The following IL1RAPL1 variants were observed in gnomAD, a reference collection of about 807,000 sequenced individuals.
IL1RAPL1 encodes interleukin 1 receptor accessory protein like 1.
A neutral mutation model predicts 48.4 loss-of-function variants in IL1RAPL1; 3 were observed. That is an observed-to-expected ratio of 0.06 (90% confidence interval 0.03 to 0.16). IL1RAPL1 has a LOEUF of 0.16. Among genes scored for constraint, IL1RAPL1 ranks in the 10% least tolerant of loss-of-function variants. The pLI is 1.00. For synonymous variants in IL1RAPL1, 185 were observed against 187.7 expected (o/e 0.99, Z 0.12); for missense variants, 349 against 530.6 (o/e 0.66, Z 3.36).
chrX:29,606,110 G>C (rs763619912), intron 5 of IL1RAPL1, among the ~76,000 whole-genome samples: 1 of 111,741 alleles, frequency 8.9e-6, no homozygotes, highest in Non-Finnish European at 1.9e-5. Flanking sequence ...TATGATGTCT[G>C]TTCCCCAATT....
intron 2 of IL1RAPL1, among the ~76,000 whole-genome samples, chrX:29,109,067 T>C (rs1442564660): frequency 1.8e-5 from 2 of 111,590 alleles, no homozygotes; most frequent in Non-Finnish European, 3.8e-5. Context: ...GAATTGCATT[T>C]AGTTTAAAAC....
intron 2 of IL1RAPL1, among the ~76,000 whole-genome samples, chrX:29,062,101 G>A (rs1203726426): frequency 3.6e-5 from 4 of 112,034 alleles, no homozygotes; most frequent in African/African-American, 9.7e-5. Flanking sequence ...TAATATCAAC[G>A]TAATATTGTA....
intron 5 of IL1RAPL1, among the ~76,000 whole-genome samples, chrX:29,449,780 C>CACACACACAGAGAGAG (rs557765024): frequency 0.12 from 6,712 of 57,266 alleles, 513 homozygotes; most frequent in East Asian, 0.32. Context: ...CACACACACA[C>CACACACACAGAGAGAG]AGAGAGAGAG....
chrX:28,989,488 C>T (rs930216074), intron 2 of IL1RAPL1, among the ~76,000 whole-genome samples: 1 of 112,356 alleles, frequency 8.9e-6, no homozygotes, highest in Admixed American at 9.4e-5. Flanking sequence ...GCAGCCAGAT[C>T]AAGTGTTAAT....
intron 2 of IL1RAPL1, among the ~76,000 whole-genome samples, chrX:29,226,565 T>C (rs752364404): frequency 9.3e-6 from 1 of 107,754 alleles, no homozygotes; most frequent in Non-Finnish European, 1.9e-5. Flanking sequence ...CCCGAGTAGC[T>C]GGGATTACAG....
Position 28,759,871 on chromosome X carries a change from C to T in IL1RAPL1, c.-24-29449C>T, listed in dbSNP as rs527727102. Among the ~76,000 whole-genome samples, 208 of 110,863 alleles carry T rather than the reference C, an allele frequency of 1.9e-3. 1 individual carries two copies. The highest frequency in any genetic ancestry group is 0.019 in the Middle Eastern group (4 of 215). ...TGTAACAACCAGAAATCAGGAATTA[C>T]GTGAGTTCTTGTACCTAGGAAGTAT... On this transcript the variant is annotated intron_variant, in intron 1 of 10. Transcript: ENST00000378993.
At chrX:29,827,344 C>T (rs5973111) in intron 6 of IL1RAPL1, among the ~76,000 whole-genome samples, 8,834 of 112,234 alleles carry the variant, frequency 0.079, 836 homozygotes, top group African/African-American at 0.27. Context: ...CAAGATTTAT[C>T]GAGAACCTGA....
At chrX:28,769,937 T>C (rs1202097065) in intron 1 of IL1RAPL1, among the ~76,000 whole-genome samples, 3 of 111,964 alleles carry the variant, frequency 2.7e-5, no homozygotes, top group African/African-American at 6.5e-5. Flanking sequence ...CCCAGAGAAG[T>C]TGACCTCACA....
At chrX:29,361,089 G>T (rs1933369691) in intron 3 of IL1RAPL1, among the ~76,000 whole-genome samples, 1 of 111,780 alleles carries the variant, frequency 8.9e-6, no homozygotes, top group Admixed American at 9.6e-5. Flanking sequence ...TCTCTGAGAT[G>T]AGAAAGCATA....
At chrX:29,140,274 C>G (rs1416079494) in intron 2 of IL1RAPL1, among the ~76,000 whole-genome samples, 2 of 111,793 alleles carry the variant, frequency 1.8e-5, no homozygotes, top group Non-Finnish European at 3.8e-5. Context: ...TATTGGAGAT[C>G]AATTTTCAAG....
chrX:29,245,463 C>A (rs1300653696), intron 2 of IL1RAPL1, among the ~76,000 whole-genome samples: 1 of 111,796 alleles, frequency 8.9e-6, no homozygotes, highest in Non-Finnish European at 1.9e-5. Flanking sequence ...TTAATGATCA[C>A]CATTCTAACT....
At chrX:29,345,696 C>G (rs1293004806) in intron 3 of IL1RAPL1, among the ~76,000 whole-genome samples, 2 of 111,259 alleles carry the variant, frequency 1.8e-5, no homozygotes, top group Non-Finnish European at 3.8e-5. Context: ...GTATCAGACT[C>G]TAAACTCTGG....
rs879240789 is a variant in IL1RAPL1, at chrX:28,826,040, A to C, written c.82+36615A>C. On this transcript the variant is annotated intron_variant, in intron 2 of 10. Transcript: ENST00000378993. ...GCTTATTTATAGGCACAAATCACCA[A>C]TATTAAGCTGTTATCAAAATCTTTA... Among the ~76,000 whole-genome samples the C allele has an allele frequency of 2.7e-5, 3 of 111,730 alleles. No individual in the cohort carries two copies. In the Admixed American group the frequency reaches 2.8e-4, roughly 11 times the overall value.
chrX:28,919,368 T>G (rs762699180), intron 2 of IL1RAPL1, among the ~76,000 whole-genome samples: 3 of 112,359 alleles, frequency 2.7e-5, no homozygotes, highest in Admixed American at 1.9e-4. Context: ...ACATTTATCA[T>G]ATCTCTGAAA....
At chrX:29,780,153 CTTTT>C (rs1180641634) in intron 6 of IL1RAPL1, among the ~76,000 whole-genome samples, 1 of 111,676 alleles carries the variant, frequency 9.0e-6, no homozygotes, top group Non-Finnish European at 1.9e-5. Context: ...AACCATCTTC[CTTTT>C]TATTATCAAA....
At chrX:29,205,878 G>A (rs771066691) in intron 2 of IL1RAPL1, among the ~76,000 whole-genome samples, 169 of 107,034 alleles carry the variant, frequency 1.6e-3, no homozygotes, top group Middle Eastern at 9.6e-3. Flanking sequence ...GGGACTACAG[G>A]AGCATGCCAC....
intron 6 of IL1RAPL1, among the ~76,000 whole-genome samples, chrX:29,765,622 A>G (rs1243112523): frequency 8.9e-6 from 1 of 112,114 alleles, no homozygotes; most frequent in Non-Finnish European, 1.9e-5. Context: ...GCTTAGCAAT[A>G]TGCACTGTCA....
chrX:29,549,414 G>A (rs761620091), intron 5 of IL1RAPL1, among the ~76,000 whole-genome samples: 4 of 111,328 alleles, frequency 3.6e-5, no homozygotes, highest in Admixed American at 9.6e-5. Context: ...GTACAGTGAT[G>A]CCGGCATACT....
At chrX:29,455,520 C>A (rs1258052845) in intron 5 of IL1RAPL1, among the ~76,000 whole-genome samples, 1 of 111,643 alleles carries the variant, frequency 9.0e-6, no homozygotes, top group Non-Finnish European at 1.9e-5. Flanking sequence ...GGAACTTTTA[C>A]CTTGAAAGCC....
Sources: allele counts gnomAD v4.1 joint callset (sites outside exome capture counted in the v4.1 genomes callset), GRCh38; gene constraint gnomAD v4.1.1; transcripts MANE v1.5; gene names NCBI Gene and HGNC (gene_info 2026-07-23, HGNC 2026-07-21).